The following CDC42BPB variants were observed in gnomAD, a reference collection of about 807,000 sequenced individuals.
CDC42BPB encodes the protein serine/threonine-protein kinase MRCK beta.
A neutral mutation model predicts 214.9 loss-of-function variants in CDC42BPB; 37 were observed. The observed-to-expected ratio is 0.17, with a 90% CI of 0.13 to 0.23. CDC42BPB has a LOEUF of 0.23. Ranked by LOEUF, CDC42BPB falls within the 10% of genes least tolerant of loss-of-function variation. The pLI is 1.00. For synonymous variants in CDC42BPB, 931 were observed against 884.0 expected (o/e 1.05, Z -0.94); for missense variants, 1,694 against 2,227.0 (o/e 0.76, Z 4.82).
intron 5 of CDC42BPB, among the ~76,000 whole-genome samples, chr14:102,992,194 T>C (rs1894525059): frequency 6.6e-6 from 1 of 152,186 alleles, no homozygotes. Flanking sequence ...CGTGCAGTTT[T>C]GAACAATCCA....
chr14:102,972,225 C>T lies in CDC42BPB; in HGVS notation c.1642-64G>A, dbSNP rs17101119. ...ACAAAGGCTTGGAAGGCTGGAGGTT[C>T]GGTCTTCCATGATATTGAGGAGTTA... On this transcript the variant is annotated intron_variant, in intron 12 of 36. Coordinates refer to ENST00000361246, the MANE Select transcript of CDC42BPB (RefSeq NM_006035.4). 1.5e-3 allele frequency: 2,363 copies of T among 1,586,240 alleles called. 44 individuals carry two copies. In the African/African-American group the frequency reaches 0.027, roughly 18 times the overall value.
In CDC42BPB at chr14:102,947,813, A is replaced by G. The variant is rs1892251274; in HGVS notation, c.3450-11T>C. Reference sequence around the variant, plus strand: ...GAAAACTCGTCATCTCTGGTAAGGAAGAAACATTGACCCCGCTGGGAGACA... The same window carrying G: ...GAAAACTCGTCATCTCTGGTAAGGAGGAAACATTGACCCCGCTGGGAGACA... On this transcript the variant is annotated splice_polypyrimidine_tract_variant and intron_variant, in intron 26 of 36. Coordinates refer to ENST00000361246, the MANE Select transcript of CDC42BPB (RefSeq NM_006035.4). The G allele has an allele frequency of 1.9e-6, 3 of 1,612,432 alleles. No homozygotes were observed. Among genetic ancestry groups the G allele is most frequent in the Non-Finnish European group, 2.5e-6 (3 of 1,179,784 alleles).
At chr14:102,945,452 G>C (rs1490522335) in intron 29 of CDC42BPB, 1 of 576,362 alleles carries the variant, frequency 1.7e-6, no homozygotes, top group Non-Finnish European at 3.2e-6. Flanking sequence ...CTCCCGCTCA[G>C]TGCTCCCCTT....
intron 4 of CDC42BPB, among the ~76,000 whole-genome samples, chr14:103,003,509 C>CG (rs1365653384): frequency 6.6e-6 from 1 of 152,232 alleles, no homozygotes; most frequent in African/African-American, 2.4e-5. Context: ...GGCACCCCCC[C>CG]CACCGCGGGA....
At chr14:102,962,124 T>TA (rs1892990235) in intron 20 of CDC42BPB, among the ~76,000 whole-genome samples, 1 of 152,256 alleles carries the variant, frequency 6.6e-6, no homozygotes, top group Non-Finnish European at 1.5e-5. Context: ...ATTTCTCACC[T>TA]ATTCAGAGCG....
At chr14:103,029,810 G>C (rs1439002071) in intron 1 of CDC42BPB, among the ~76,000 whole-genome samples, 1 of 126,580 alleles carries the variant, frequency 7.9e-6, no homozygotes, top group South Asian at 2.6e-4. Context: ...AGTGAGCCGA[G>C]ATCGCGCCAC....
chr14:103,031,658 G>T (rs1051428907), intron 1 of CDC42BPB, among the ~76,000 whole-genome samples: 4 of 152,194 alleles, frequency 2.6e-5, no homozygotes, highest in African/African-American at 9.6e-5. Flanking sequence ...CCCACACGCA[G>T]GCCTTTCCCC....
chr14:102,995,725 C>T (rs1157877342), intron 5 of CDC42BPB, among the ~76,000 whole-genome samples: 1 of 152,246 alleles, frequency 6.6e-6, no homozygotes, highest in African/African-American at 2.4e-5. Flanking sequence ...GGAAGGGGCC[C>T]AAGCGGCAGC....
chr14:102,990,134 AACTC>A (rs1161403562), intron 5 of CDC42BPB, among the ~76,000 whole-genome samples: 1 of 152,220 alleles, frequency 6.6e-6, no homozygotes, highest in Non-Finnish European at 1.5e-5. Context: ...CAAAGAATAA[AACTC>A]AATCAACAAA....
At chr14:102,996,090 A>G (rs1042651061) in intron 5 of CDC42BPB, among the ~76,000 whole-genome samples, 4 of 152,278 alleles carry the variant, frequency 2.6e-5, no homozygotes, top group Admixed American at 1.3e-4. Flanking sequence ...CTGTAATCCC[A>G]GCACTTTGGG....
In CDC42BPB at chr14:103,012,175, T is replaced by C. The variant is rs745443354; in HGVS notation, c.189A>G (p.Thr63=). The C allele has an allele frequency of 3.1e-6, 5 of 1,613,112 alleles. No individual in the cohort carries two copies. The highest frequency in any genetic ancestry group is 4.2e-6 in the Non-Finnish European group (5 of 1,179,244). The change falls in exon 2 of 37, where the codon ACA becomes ACG. Residue 63 remains threonine (T), a synonymous_variant. Transcript: ENST00000361246. ...AEFLEWAKPF[T]QLVKEMQLHR... Reference sequence around the variant, plus strand: ...GAAGCTGCATTTCTTTCACCAGCTGTGTAAATGGTTTAGCTACAAGTAAAA... The same window carrying C: ...GAAGCTGCATTTCTTTCACCAGCTGCGTAAATGGTTTAGCTACAAGTAAAA...
intron 1 of CDC42BPB, among the ~76,000 whole-genome samples, chr14:103,030,986 C>A (rs1370509801): frequency 1.3e-5 from 2 of 152,058 alleles, no homozygotes. Flanking sequence ...CACCCTGTCT[C>A]TACACACACA....
intron 30 of CDC42BPB, chr14:102,941,559 T>C: frequency 1.0e-6 from 1 of 985,382 alleles, no homozygotes; most frequent in Non-Finnish European, 1.2e-6. Flanking sequence ...GGAACCACTC[T>C]CCACACGGGC....
intron 14 of CDC42BPB, among the ~76,000 whole-genome samples, chr14:102,969,358 C>T (rs1211821391): frequency 2.0e-5 from 3 of 152,060 alleles, no homozygotes; most frequent in East Asian, 1.9e-4. Flanking sequence ...TGGACAGCTG[C>T]GGAGCCACGG....
At chr14:102,970,383 TC>T (rs1893422020) in intron 13 of CDC42BPB, 122 bp from the exon 14 acceptor site, 1 of 1,406,238 alleles carries the variant, frequency 7.1e-7, no homozygotes, top group South Asian at 1.7e-5. Flanking sequence ...TGTTCACCCT[TC>T]ATCAAATCTT....
chr14:102,975,131 G>A (rs1014481965), intron 11 of CDC42BPB, among the ~76,000 whole-genome samples: 2 of 152,172 alleles, frequency 1.3e-5, no homozygotes, highest in Admixed American at 6.5e-5. Context: ...CCACAAAAAG[G>A]AAAACTGTAA....
chr14:102,986,532 G>A lies in CDC42BPB; in HGVS notation c.645C>T (p.Arg215=). The A allele has an allele frequency of 1.2e-6, 2 of 1,614,040 alleles. No homozygotes were observed. Among genetic ancestry groups the A allele is most frequent in the Admixed American group, 3.3e-5 (2 of 60,012 alleles). The change falls in exon 6 of 37, where the codon CGC becomes CGT. Residue 215 remains arginine (R), a synonymous_variant. Coordinates refer to ENST00000361246, the MANE Select transcript of CDC42BPB (RefSeq NM_006035.4). ...TCAAACATGATCCAAAGTCAGCCAG[G>A]CGGATATGACCATTCACGTCCAAAA... ...NVLLDVNGHI[R]LADFGSCLKM... is the part of the protein sequence containing the mutation.
chr14:102,965,728 G>A lies in CDC42BPB; in HGVS notation c.2577+554C>T, dbSNP rs138566017. On this transcript the variant is annotated intron_variant, in intron 18 of 36. Coordinates refer to ENST00000361246, the MANE Select transcript of CDC42BPB (RefSeq NM_006035.4). ...TCCCAGCACTTTGGGAGGCCGAAGCGGGCAGATCACCTGAGGTCAGGGGTT... is the reference window on the plus strand; with the variant it reads ...TCCCAGCACTTTGGGAGGCCGAAGCAGGCAGATCACCTGAGGTCAGGGGTT... Among the ~76,000 whole-genome samples, 37 of 152,282 alleles carry A rather than the reference G, an allele frequency of 2.4e-4. 2 individuals carry two copies. The East Asian group carries it at 6.8e-3, about 28-fold the overall frequency.
intron 7 of CDC42BPB, among the ~76,000 whole-genome samples, chr14:102,981,704 G>C (rs1002639654): frequency 6.6e-6 from 1 of 152,176 alleles, no homozygotes; most frequent in Non-Finnish European, 1.5e-5. Flanking sequence ...TTAAACTCGG[G>C]AGGTGCAAGT....
Sources: allele counts gnomAD v4.1 joint callset (sites outside exome capture counted in the v4.1 genomes callset), GRCh38; gene constraint gnomAD v4.1.1; transcripts MANE v1.5; gene names NCBI Gene and HGNC (gene_info 2026-07-23, HGNC 2026-07-21).